SPRYD3: variants seen among roughly 807,000 people sequenced by gnomAD.
The protein encoded by SPRYD3 is SPRY domain-containing protein 3.
SPRYD3 carries 17 observed loss-of-function variants against 50.1 expected under a neutral mutation model. That is an observed-to-expected ratio of 0.34 (90% CI 0.23 to 0.51). The LOEUF is 0.51. Among genes scored for constraint, SPRYD3 ranks in the 20% least tolerant of loss-of-function variants. SPRYD3 has a pLI of 0.97. For synonymous variants in SPRYD3, 198 were observed against 215.5 expected (o/e 0.92, Z 0.71); for missense variants, 401 against 591.2 (o/e 0.68, Z 3.34).
chr12:53,073,594 C>T, intron 5 of SPRYD3, 123 bp from the exon 6 acceptor site: 2 of 715,734 alleles, frequency 2.8e-6, no homozygotes, highest in Non-Finnish European at 4.4e-6. Context: ...CCTGTAATCC[C>T]AGCACTTTGG....
chr12:53,075,282 G>C lies in SPRYD3; in HGVS notation c.247-63C>G, dbSNP rs757208278. 3 of 1,550,140 alleles carry C rather than the reference G, an allele frequency of 1.9e-6. No individual in the cohort carries two copies. In the Admixed American group the frequency reaches 5.2e-5, roughly 27 times the overall value. On this transcript the variant is annotated intron_variant, in intron 3 of 10. Transcript: ENST00000301463. Reference sequence around the variant, plus strand: ...GGAAATGGGATGAATTGCTGGGGGTGGGGGAAGGGGACTTAGAGATTAAAG... The same window carrying C: ...GGAAATGGGATGAATTGCTGGGGGTCGGGGAAGGGGACTTAGAGATTAAAG...
At chr12:53,073,185 G>A (rs560371443) in intron 6 of SPRYD3, 101 bp downstream of exon 6, 54 of 758,424 alleles carry the variant, frequency 7.1e-5, no homozygotes, top group Admixed American at 1.4e-4. Flanking sequence ...ACACTGTCCC[G>A]ACTCCCCATT....
At chr12:53,075,902 G>A (rs1944584694) in intron 2 of SPRYD3, 91 bp from the exon 3 acceptor site, 3 of 974,098 alleles carry the variant, frequency 3.1e-6, no homozygotes, top group Non-Finnish European at 3.3e-6. Flanking sequence ...CCCTGCAAGG[G>A]CCAGCACACA....
At chr12:53,068,328 G>T (rs765766468) in intron 6 of SPRYD3, 24 bp from the exon 7 acceptor site, 1 of 1,612,416 alleles carries the variant, frequency 6.2e-7, no homozygotes, top group South Asian at 1.1e-5. Context: ...GCCAGATGGG[G>T]GTCAGGGGAC....
At position 53,066,399 on chromosome 12, in the gene SPRYD3, T is replaced by G. The variant is rs1358405106; in HGVS notation, c.1109A>C (p.Gln370Pro). 4 of 1,614,080 alleles carry G rather than the reference T, an allele frequency of 2.5e-6. No individual in the cohort carries two copies. In the Admixed American group the frequency reaches 6.7e-5, roughly 27 times the overall value. ...RNVRNVMYLH[Q>P]EGEEEEEEEE... ...TTCCTCCTCTTCCTCTTCCCCTTCC[T>G]GGTGCAGGTACATGACATTCCGCAC... Residue 370 changes from glutamine (Q) to proline (P), a missense_variant, in exon 10 of 11, where the codon CAG becomes CCG. Physicochemically the swap from Gln to Pro is moderately conservative, Grantham distance 76. Transcript: ENST00000301463.
Position 53,075,767 on chromosome 12 carries a change from C to G in SPRYD3, c.215G>C (p.Arg72Pro), listed in dbSNP as rs776074767. The change falls in exon 3 of 11, where the codon CGA (arginine) becomes CCA (proline). Residue 72 changes from arginine (R) to proline (P), a missense_variant. Physicochemically the swap from Arg to Pro is moderately radical, Grantham distance 103 (BLOSUM62 -2). Coordinates refer to ENST00000301463, the MANE Select transcript of SPRYD3 (RefSeq NM_032840.3). ...ATAATTGCTGTCCTTGGTCAGGGGT[C>G]GAGAAGCCACGTAGCAGCCAACTTC... is the stretch of plus-strand genomic sequence containing the variant. ...SGEVGCYVAS[R>P]PLTKDSNYFE... 6.2e-7 allele frequency: 1 copy of G among 1,614,016 alleles called. No homozygotes were observed. The highest frequency in any genetic ancestry group is 8.5e-7 in the Non-Finnish European group (1 of 1,179,972).
chr12:53,077,053 A>T (rs1368516679), intron 2 of SPRYD3, 62 bp downstream of exon 2: 9 of 1,535,086 alleles, frequency 5.9e-6, no homozygotes, highest in Non-Finnish European at 6.2e-6. Context: ...AAAAAAAAAA[A>T]CCCTTTCCTC....
At chr12:53,067,758 G>A (rs1323782077) in intron 7 of SPRYD3, 53 bp from the exon 8 acceptor site, 8 of 1,539,194 alleles carry the variant, frequency 5.2e-6, no homozygotes, top group Non-Finnish European at 6.3e-6. Context: ...AACAAGACAG[G>A]AGAGAGTGGC....
chr12:53,073,256 G>GCCCCCGGGGGGGGGGGGGCCCCCCCCC, intron 6 of SPRYD3, 30 bp downstream of exon 6: 2 of 424,134 alleles, frequency 4.7e-6, no homozygotes, highest in Non-Finnish European at 4.4e-6. Flanking sequence ...CTCCGACCCA[G>GCCCCCGGGGGGGGGGGGGCCCCCCCCC]CCCCTCCCAC....
intron 6 of SPRYD3, among the ~76,000 whole-genome samples, chr12:53,068,616 C>G (rs900683142): frequency 6.6e-6 from 1 of 152,142 alleles, no homozygotes; most frequent in Non-Finnish European, 1.5e-5. Flanking sequence ...GATGCATCCT[C>G]GCCCGCTGAA....
intron 8 of SPRYD3, 144 bp downstream of exon 8, chr12:53,067,504 A>G: frequency 1.4e-6 from 1 of 713,282 alleles, no homozygotes; most frequent in South Asian, 1.6e-5. Context: ...AGGAGGAAGC[A>G]CTAGCGATTT....
At chr12:53,077,761 T>C (rs923072221) in intron 1 of SPRYD3, among the ~76,000 whole-genome samples, 2 of 152,060 alleles carry the variant, frequency 1.3e-5, no homozygotes, top group Admixed American at 1.3e-4. Context: ...AGCTGGTATA[T>C]AGGGAATGTG....
At chr12:53,067,727 A>T (rs775728650) in intron 7 of SPRYD3, 22 bp from the exon 8 acceptor site, 42 of 1,609,598 alleles carry the variant, frequency 2.6e-5, no homozygotes, top group Non-Finnish European at 3.6e-5. Context: ...AGAGAAAAGA[A>T]AATCTATGGT....
intron 1 of SPRYD3, among the ~76,000 whole-genome samples, chr12:53,077,784 C>A (rs1186419800): frequency 6.6e-6 from 1 of 152,106 alleles, no homozygotes; most frequent in Non-Finnish European, 1.5e-5. Flanking sequence ...GGAGAATGTA[C>A]AAGATGAGAA....
In SPRYD3 at chr12:53,073,399, C is replaced by T. The variant is rs1193471058; in HGVS notation, c.580G>A (p.Glu194Lys). The change falls in exon 6 of 11, where the codon GAG becomes AAG. Residue 194 changes from glutamate to lysine, a missense_variant. Physicochemically the swap from Glu to Lys is moderately conservative, Grantham distance 56. Transcript: ENST00000301463. Reference sequence around the variant, plus strand: ...TCAGCGTTGAGGTGCAGCCGCACCTCCTCACCCAGGGAGTGCATGCCCACT... The same window carrying T: ...TCAGCGTTGAGGTGCAGCCGCACCTTCTCACCCAGGGAGTGCATGCCCACT... ...PAVGMHSLGE[E>K]VRLHLNAELG... 1 of 1,582,122 alleles carries T rather than the reference C, an allele frequency of 6.3e-7. No individual in the cohort carries two copies. Among genetic ancestry groups the T allele is most frequent in the Non-Finnish European group, 8.6e-7 (1 of 1,163,846 alleles).
At chr12:53,071,976 T>C (rs915688999) in intron 6 of SPRYD3, among the ~76,000 whole-genome samples, 1 of 152,104 alleles carries the variant, frequency 6.6e-6, no homozygotes, top group East Asian at 1.9e-4. Context: ...GAAGGAAGGC[T>C]ATTTATAAAT....
At chr12:53,070,167 C>T (rs12317786) in intron 6 of SPRYD3, among the ~76,000 whole-genome samples, 121 of 152,270 alleles carry the variant, frequency 7.9e-4, no homozygotes, top group African/African-American at 2.5e-3. Flanking sequence ...ATGTCCTGGA[C>T]GACTAGGTAC....
rs775019615 is a variant in SPRYD3 at position 53,067,639 on chromosome 12, G to A, written c.901+9C>T. 2.2e-5 allele frequency: 36 copies of A among 1,613,496 alleles called. No homozygotes were observed. The highest frequency in any genetic ancestry group is 4.0e-5 in the African/African-American group (3 of 74,908). On this transcript the variant is annotated intron_variant, in intron 8 of 10. Coordinates refer to ENST00000301463, the MANE Select transcript of SPRYD3 (RefSeq NM_032840.3). ...CCATCCCACCTTTCCCAGGCAGCCCGCTATTCACCTGCATGATAAGCCACA... is the reference window on the plus strand; with the variant it reads ...CCATCCCACCTTTCCCAGGCAGCCCACTATTCACCTGCATGATAAGCCACA...
chr12:53,075,083 G>T lies in SPRYD3; in HGVS notation c.371+12C>A, dbSNP rs1944579062. 1 of 1,609,412 alleles carries T rather than the reference G, an allele frequency of 6.2e-7. No homozygotes were observed. The highest frequency in any genetic ancestry group is 8.5e-7 in the Non-Finnish European group (1 of 1,176,160). On this transcript the variant is annotated intron_variant, in intron 4 of 10. Transcript: ENST00000301463. ...ATAGGAAAAGGGCCGGGTTGCACAG[G>T]AGCCAACTCACTTGCCATCATCAGC...
Sources: gnomAD v4.1 joint callset for allele counts (sites outside exome capture counted in the v4.1 genomes callset) on GRCh38, gnomAD v4.1.1 for gene constraint, MANE v1.5 for transcripts, NCBI Gene and HGNC (gene_info 2026-07-23, HGNC 2026-07-21) for gene names.